The following PTPRD variants were observed in gnomAD, a reference collection of about 807,000 sequenced individuals.
PTPRD encodes the protein protein tyrosine phosphatase receptor type D, also known as receptor-type tyrosine-protein phosphatase delta.
Under a neutral mutation model 214.5 loss-of-function variants are expected in PTPRD, and 34 were observed. The observed-to-expected ratio is 0.16, with a 90% CI of 0.12 to 0.21. The LOEUF (loss-of-function observed/expected upper bound fraction) is 0.21. Among genes scored for constraint, PTPRD ranks in the 10% least tolerant of loss-of-function variants. The probability of loss-of-function intolerance (pLI) is 1.00; values close to 1 mark genes in which losing one functional copy is unlikely to be tolerated. For missense variants in PTPRD, 2,545 were observed against 2,398.7 expected (o/e 1.06, Z -1.27); for synonymous variants, 1,128 against 845.7 (o/e 1.33, Z -5.79).
chr9:10,016,390 TAGATAGAC>T (rs928295930), intron 4 of PTPRD, among the ~76,000 whole-genome samples: 1 of 142,570 alleles, frequency 7.0e-6, no homozygotes, highest in African/African-American at 2.7e-5. Flanking sequence ...GATAGATAGA[TAGATAGAC>T]AGATAGATAG....
At chr9:9,578,457 A>C (rs1375778992) in intron 7 of PTPRD, among the ~76,000 whole-genome samples, 1 of 152,064 alleles carries the variant, frequency 6.6e-6, no homozygotes, top group Admixed American at 6.6e-5. Flanking sequence ...CTCTTGACTT[A>C]ATTTTGCAAG....
chr9:9,466,057 C>T (rs1418652123), intron 8 of PTPRD, among the ~76,000 whole-genome samples: 2 of 151,980 alleles, frequency 1.3e-5, no homozygotes, highest in East Asian at 1.9e-4. Flanking sequence ...ACCTATAATA[C>T]CAGCACTTTG....
chr9:9,650,650 T>C (rs943755704), intron 7 of PTPRD, among the ~76,000 whole-genome samples: 2 of 151,982 alleles, frequency 1.3e-5, no homozygotes, highest in East Asian at 1.9e-4. Flanking sequence ...AGAGGAGAGA[T>C]AGTATCAGGA....
chr9:9,554,842 G>C (rs145830421), intron 8 of PTPRD, among the ~76,000 whole-genome samples: 2,683 of 152,154 alleles, frequency 0.018, 41 homozygotes, highest in Admixed American at 0.027. Flanking sequence ...TCAATAAAGT[G>C]ATTACATTCC....
intron 3 of PTPRD, among the ~76,000 whole-genome samples, chr9:10,224,908 A>C (rs150497530): frequency 1.3e-5 from 2 of 152,234 alleles, no homozygotes; most frequent in African/African-American, 4.8e-5. Context: ...ACTTATTGTA[A>C]GAATACAGTA....
At chr9:8,862,034 G>A (rs2098115761) in intron 11 of PTPRD, 1 of 152,064 alleles carries the variant, frequency 6.6e-6, no homozygotes, top group South Asian at 2.1e-4. Context: ...TCAGTAGCTT[G>A]CTTTGGCCAA....
intron 35 of PTPRD, among the ~76,000 whole-genome samples, chr9:8,413,156 CTAT>C (rs2093656780): frequency 6.6e-6 from 1 of 152,066 alleles, no homozygotes; most frequent in African/African-American, 2.4e-5. Flanking sequence ...ATTTTTCTTC[CTAT>C]TATTTTTACT....
At chr9:8,892,974 C>T (rs187972791) in intron 11 of PTPRD, among the ~76,000 whole-genome samples, 9 of 152,064 alleles carry the variant, frequency 5.9e-5, no homozygotes, top group African/African-American at 9.6e-5. Context: ...ATAATCTTGA[C>T]GTCCATGTTG....
intron 7 of PTPRD, among the ~76,000 whole-genome samples, chr9:9,622,006 G>A (rs1287931628): frequency 6.6e-6 from 1 of 152,178 alleles, no homozygotes; most frequent in Non-Finnish European, 1.5e-5. Context: ...TCTCTACAAA[G>A]TAAGAAGAGG....
intron 9 of PTPRD, among the ~76,000 whole-genome samples, chr9:9,369,517 G>GCTGACAAAGGGCTACCCA (rs1226050208): frequency 1.1e-4 from 17 of 152,024 alleles, no homozygotes. Flanking sequence ...TTAGCCTTTT[G>GCTGACAAAGGGCTACCCA]TCAGATGGGT....
chr9:9,921,137 T>G (rs1035631800), intron 5 of PTPRD, among the ~76,000 whole-genome samples: 2 of 152,116 alleles, frequency 1.3e-5, no homozygotes, highest in African/African-American at 2.4e-5. Context: ...CCACTGAAGT[T>G]ATTGGAGTTG....
intron 9 of PTPRD, among the ~76,000 whole-genome samples, chr9:9,210,526 T>C (rs2099947849): frequency 6.6e-6 from 1 of 152,218 alleles, no homozygotes; most frequent in African/African-American, 2.4e-5. Context: ...TATTATAAAG[T>C]TAGTTCCACT....
At chr9:9,455,748 A>AT (rs752246805) in intron 8 of PTPRD, among the ~76,000 whole-genome samples, 7 of 151,634 alleles carry the variant, frequency 4.6e-5, no homozygotes, top group Non-Finnish European at 8.9e-5. Context: ...TAGAAAAAAA[A>AT]CTCTTTTTGA....
intron 11 of PTPRD, among the ~76,000 whole-genome samples, chr9:8,737,861 G>A (rs2090862648): frequency 1.3e-5 from 2 of 152,132 alleles, no homozygotes; most frequent in African/African-American, 4.8e-5. Context: ...ATATTGGTCA[G>A]GCTGATCTTG....
chr9:8,639,350 C>T (rs1293897935), intron 12 of PTPRD, among the ~76,000 whole-genome samples: 1 of 151,992 alleles, frequency 6.6e-6, no homozygotes, highest in Non-Finnish European at 1.5e-5. Flanking sequence ...AGGGAATTTC[C>T]CTAGAAACAC....
chr9:8,744,908 T>C (rs2092617653), intron 11 of PTPRD, among the ~76,000 whole-genome samples: 1 of 152,148 alleles, frequency 6.6e-6, no homozygotes, highest in Non-Finnish European at 1.5e-5. Flanking sequence ...AGAAAATAGG[T>C]TGTGTGGGGA....
At chr9:8,635,591 C>T (rs568550047) in intron 13 of PTPRD, among the ~76,000 whole-genome samples, 1 of 152,162 alleles carries the variant, frequency 6.6e-6, no homozygotes, top group Admixed American at 6.6e-5. Flanking sequence ...CCCCTGATCA[C>T]CCTGTGAGTT....
chr9:9,345,001 C>G (rs763770233), intron 9 of PTPRD, among the ~76,000 whole-genome samples: 126 of 151,984 alleles, frequency 8.3e-4, no homozygotes, highest in Non-Finnish European at 1.5e-3. Flanking sequence ...TGATAAGGGA[C>G]AAAATAATGC....
chr9:10,593,046 G>T (rs533870660), intron 2 of PTPRD, among the ~76,000 whole-genome samples: 1 of 151,898 alleles, frequency 6.6e-6, no homozygotes, highest in Non-Finnish European at 1.5e-5. Context: ...GAAGGTCTGC[G>T]GCATCATTCT....
Sources: gnomAD v4.1 joint callset for allele counts (sites outside exome capture counted in the v4.1 genomes callset) on GRCh38, gnomAD v4.1.1 for gene constraint, MANE v1.5 for transcripts, NCBI Gene and HGNC (gene_info 2026-07-23, HGNC 2026-07-21) for gene names.